The following METTL8 variants were observed in gnomAD, a reference collection of about 807,000 sequenced individuals.
METTL8 encodes the protein tRNA N(3)-cytidine methyltransferase METTL8, mitochondrial.
Under a neutral mutation model 48.7 loss-of-function variants are expected in METTL8, and 32 were observed. The observed-to-expected ratio is 0.66, with a 90% CI of 0.50 to 0.88. The LOEUF (loss-of-function observed/expected upper bound fraction) is 0.88. Among genes scored for constraint, METTL8 ranks in the 40% least tolerant of loss-of-function variants. METTL8 has a pLI of 0.00. For missense variants in METTL8, 464 were observed against 474.4 expected (o/e 0.98, Z 0.20); for synonymous variants, 136 against 157.1 (o/e 0.87, Z 1.01).
chr2:171,358,826 A>C (rs56217120), intron 3 of METTL8, among the ~76,000 whole-genome samples: 180 of 152,334 alleles, frequency 1.2e-3, no homozygotes, highest in Non-Finnish European at 1.2e-3. Context: ...AAATGGGATT[A>C]TATCATGCTA....
At chr2:171,362,547 T>C (rs1422706523) in intron 2 of METTL8, among the ~76,000 whole-genome samples, 1 of 147,942 alleles carries the variant, frequency 6.8e-6, no homozygotes, top group Non-Finnish European at 1.5e-5. Context: ...GGTACGAAAC[T>C]GTTTTCCTTA....
chr2:171,414,418 A>G (rs76607311), intron 1 of METTL8, among the ~76,000 whole-genome samples: 9 of 115,412 alleles, frequency 7.8e-5, no homozygotes, highest in African/African-American at 3.2e-4. Context: ...ACTCCGTCTC[A>G]AAAAAAAAAA....
chr2:171,324,305 T>A lies in METTL8; in HGVS notation c.1091A>T (p.Asp364Val). The A allele has an allele frequency of 1.9e-6, 3 of 1,551,674 alleles. No homozygotes were observed. The highest frequency in any genetic ancestry group is 2.6e-6 in the Non-Finnish European group (3 of 1,146,994). ...ASLDEKQNLVDRRLQVNRKKQ... is the reference protein window; with the variant it reads ...ASLDEKQNLVVRRLQVNRKKQ... ...TTTCCTATTAACTTGTAAGCGGCGA[T>A]CAACCAGATTTTGCTTTTCATCTAA... Residue 364 changes from aspartate to valine, a missense_variant, in exon 10 of 10, where the codon GAT becomes GTT. Asp to Val is a radical substitution (Grantham distance 152, BLOSUM62 -3). Transcript: ENST00000375258.
rs927687195 is a variant in METTL8 at position 171,322,119 on chromosome 2, C to A, written c.*2053G>T. On this transcript the variant is annotated 3_prime_UTR_variant, in exon 10 of 10. Coordinates refer to ENST00000375258, the MANE Select transcript of METTL8 (RefSeq NM_001321154.2). ...CTGGGATTACAGGTGCCCACCACCACGCCTGGCTAATTTTTTTTGTATTTT... is the reference window on the plus strand; with the variant it reads ...CTGGGATTACAGGTGCCCACCACCAAGCCTGGCTAATTTTTTTTGTATTTT... 4 of 151,976 alleles carry A rather than the reference C, an allele frequency of 2.6e-5. No individual in the cohort carries two copies. The highest frequency in any genetic ancestry group is 3.9e-4 in the East Asian group (2 of 5,120). 9.4% of individuals were successfully genotyped at this position (151,976 alleles called of 1,614,324 possible).
intron 5 of METTL8, among the ~76,000 whole-genome samples, chr2:171,335,616 G>A (rs940523045): frequency 1.3e-5 from 2 of 151,952 alleles, no homozygotes; most frequent in Non-Finnish European, 2.9e-5. Context: ...GTAGAGACAG[G>A]GTTTCACCAT....
rs1220033777 is a variant in METTL8 at position 171,322,067 on chromosome 2, A to T, written c.*2105T>A. The T allele has an allele frequency of 6.6e-6, 1 of 150,426 alleles. No homozygotes were observed. The highest frequency in any genetic ancestry group is 1.5e-5 in the Non-Finnish European group (1 of 67,828). The allele number at this position is 150,426 out of a possible 1,614,324, so 9.3% of individuals were successfully genotyped here. ...AACCTCTGCCTCCCGGGTTCAAGTG[A>T]TTCTCCTGCCTCAGCCTCCCGAGTA... On this transcript the variant is annotated 3_prime_UTR_variant, in exon 10 of 10. Transcript: ENST00000375258.
chr2:171,374,929 C>A, intron 2 of METTL8: 1 of 1,247,608 alleles, frequency 8.0e-7, no homozygotes, highest in Non-Finnish European at 1.2e-6. Context: ...GAACTCAGCT[C>A]CTTACATGGG....
At chr2:171,339,690 T>C (rs1490463702) in intron 3 of METTL8, 136 bp from the exon 4 acceptor site, 2 of 438,182 alleles carry the variant, frequency 4.6e-6, no homozygotes, top group Non-Finnish European at 7.7e-6. Context: ...TTTAATATTA[T>C]AATATTTTAA....
chr2:171,375,877 T>C (rs1686913750), intron 2 of METTL8, among the ~76,000 whole-genome samples: 1 of 152,156 alleles, frequency 6.6e-6, no homozygotes, highest in African/African-American at 2.4e-5. Context: ...GCATTCTAGG[T>C]TCTTTAACCT....
chr2:171,434,522 A>G, upstream of METTL8: 1 of 1,521,982 alleles, frequency 6.6e-7, no homozygotes, highest in Non-Finnish European at 8.8e-7. Context: ...CCAGCACGGG[A>G]GTGTGGGGCG....
Position 171,324,680 on chromosome 2 carries a change from A to G in METTL8, c.1034-318T>C, listed in dbSNP as rs191894035. Among the ~76,000 whole-genome samples the G allele has an allele frequency of 1.3e-3, 192 of 152,352 alleles. 1 individual carries two copies. In the South Asian group the frequency reaches 0.017, roughly 13 times the overall value. On this transcript the variant is annotated intron_variant, in intron 9 of 9. Transcript: ENST00000375258. ...GTTTTTGTTGGTTTACAGAAACCCA[A>G]AACGGCAGATTATAAAAGTACTCAC...
At chr2:171,424,104 T>A (rs1367050673) in intron 1 of METTL8, among the ~76,000 whole-genome samples, 1 of 152,216 alleles carries the variant, frequency 6.6e-6, no homozygotes, top group Non-Finnish European at 1.5e-5. Context: ...CTTGGCAGCT[T>A]CCACGTGTTA....
rs552706626 is a variant in METTL8 at position 171,330,788 on chromosome 2, C to A, written c.721-90G>T. 109 of 1,054,822 alleles carry A rather than the reference C, an allele frequency of 1.0e-4. No homozygotes were observed. In the Middle Eastern group the frequency reaches 1.3e-3, roughly 12 times the overall value. 65.3% of individuals were successfully genotyped at this position (1,054,822 alleles called of 1,614,324 possible). Reference sequence around the variant, plus strand: ...TTAAATAAAAAGGTCAAATTTTTAACCTTTTCTCCCAAAAGCCTTTCCTCT... The same window carrying A: ...TTAAATAAAAAGGTCAAATTTTTAAACTTTTCTCCCAAAAGCCTTTCCTCT... On this transcript the variant is annotated intron_variant, in intron 6 of 9. Transcript: ENST00000375258.
intron 5 of METTL8, among the ~76,000 whole-genome samples, chr2:171,334,404 C>A (rs1433095358): frequency 6.6e-6 from 1 of 152,124 alleles, no homozygotes; most frequent in Non-Finnish European, 1.5e-5. Context: ...TGGCTCTTCT[C>A]CCAGCAAACA....
rs1685052940 is a variant in METTL8, at chr2:171,360,532, C to G, written c.144-19G>C. 2 of 1,599,582 alleles carry G rather than the reference C, an allele frequency of 1.3e-6. No homozygotes were observed. The highest frequency in any genetic ancestry group is 1.7e-6 in the Non-Finnish European group (2 of 1,172,118). Reference sequence around the variant, plus strand: ...GTGATCCCTATTAAAAAAAAATAGACTGTAAAATATGCTTTATCATTGAAG... The same window carrying G: ...GTGATCCCTATTAAAAAAAAATAGAGTGTAAAATATGCTTTATCATTGAAG... On this transcript the variant is annotated intron_variant, in intron 2 of 9. Coordinates refer to ENST00000375258, the MANE Select transcript of METTL8 (RefSeq NM_001321154.2).
intron 2 of METTL8, among the ~76,000 whole-genome samples, chr2:171,380,347 G>A (rs752974689): frequency 6.6e-6 from 1 of 152,312 alleles, no homozygotes; most frequent in African/African-American, 2.4e-5. Context: ...ATAAGACAAG[G>A]ATGCCCTCTC....
chr2:171,401,074 T>C (rs1689592903), intron 1 of METTL8, among the ~76,000 whole-genome samples: 1 of 152,194 alleles, frequency 6.6e-6, no homozygotes, highest in Non-Finnish European at 1.5e-5. Flanking sequence ...GAGACGTTCA[T>C]GTTTTCACCT....
chr2:171,421,465 A>T (rs983067908), intron 1 of METTL8, among the ~76,000 whole-genome samples: 9 of 44,458 alleles, frequency 2.0e-4, no homozygotes, highest in Non-Finnish European at 3.9e-4. Flanking sequence ...AAAAATACAT[A>T]CACACATCCA....
Position 171,326,069 on chromosome 2 carries a change from C to T in METTL8, c.940G>A (p.Asp314Asn), listed in dbSNP as rs965703402. The T allele has an allele frequency of 3.2e-6, 5 of 1,547,950 alleles. No individual in the cohort carries two copies. In the African/African-American group the frequency reaches 5.5e-5, roughly 17 times the overall value. The change falls in exon 8 of 10, where the codon GAT (aspartate) becomes AAT (asparagine). Residue 314 changes from aspartate (D) to asparagine (N), a missense_variant. Transcript: ENST00000375258. ...TTTTTAAAACGAAGCTGAGTCTTAT[C>T]ATATCTTCCATAGTCTCGAAATAAC... ...MLLFRDYGRY[D>N]KTQLRFKKGH...
Sources: allele counts gnomAD v4.1 joint callset (sites outside exome capture counted in the v4.1 genomes callset), GRCh38; gene constraint gnomAD v4.1.1; transcripts MANE v1.5; gene names NCBI Gene and HGNC (gene_info 2026-07-23, HGNC 2026-07-21).